Variants in NOP53 observed in about 807,000 individuals in gnomAD.
The protein encoded by NOP53 is ribosome biogenesis protein NOP53.
A neutral mutation model predicts 61.0 loss-of-function variants in NOP53; 40 were observed. That is an observed-to-expected ratio of 0.66 (90% CI 0.51 to 0.85). NOP53 has a LOEUF of 0.85. Among genes scored for constraint, NOP53 ranks in the 40% least tolerant of loss-of-function variants. NOP53 has a pLI of 0.00. For synonymous variants in NOP53, 308 were observed against 289.5 expected (o/e 1.06, Z -0.65); for missense variants, 689 against 652.9 (o/e 1.06, Z -0.60).
At chr19:47,755,560 G>T (rs933662659) in intron 9 of NOP53, 37 bp downstream of exon 9, 7 of 1,457,470 alleles carry the variant, frequency 4.8e-6, no homozygotes, top group Non-Finnish European at 5.4e-6. Context: ...AGAGGCTGGG[G>T]AGGGGGCCGG....
At chr19:47,751,840 G>A (rs1287447946) in intron 5 of NOP53, among the ~76,000 whole-genome samples, 3 of 152,184 alleles carry the variant, frequency 2.0e-5, no homozygotes, top group African/African-American at 4.8e-5. Context: ...GGTGGCTCAC[G>A]CCTGTAATCC....
In NOP53 at chr19:47,754,264, A is replaced by T. The variant is rs114709423; in HGVS notation, c.766-263A>T. ...TGCACTCCAGTCTGGGCAACAAGAC[A>T]GAAACTCTATCTCAAAAAAAAAATG... On this transcript the variant is annotated intron_variant, in intron 6 of 12. Transcript: ENST00000246802. This position sits in a 1 kb window ranked among gnomAD's most constrained non-coding sequence, Gnocchi z 4.2. 8.8e-3 allele frequency: 4,092 copies of T among 464,052 alleles called. 135 individuals are homozygous for T. Among genetic ancestry groups the T allele is most frequent in the African/African-American group, 0.073 (3,723 of 50,938 alleles). The allele number at this position is 464,052 out of a possible 1,614,324, so 28.7% of individuals were successfully genotyped here. A position where few individuals can be genotyped will look rare whatever the true frequency, so the allele number is the denominator to read the frequency against.
chr19:47,750,762 C>A, intron 3 of NOP53, 146 bp from the exon 4 acceptor site: 1 of 695,068 alleles, frequency 1.4e-6, no homozygotes. Flanking sequence ...GAGAGGAGTT[C>A]TCTGAAGAGG....
intron 2 of NOP53, among the ~76,000 whole-genome samples, chr19:47,748,665 G>T (rs557726977): frequency 6.6e-6 from 1 of 152,212 alleles, no homozygotes; most frequent in Non-Finnish European, 1.5e-5. Context: ...AGGCCGAGGT[G>T]GGGCGGATCA....
chr19:47,757,005 G>C lies in NOP53; in HGVS notation c.1437G>C (p.Ter479TyrextTer?), dbSNP rs1180406309. The C allele has an allele frequency of 6.2e-7, 1 of 1,614,144 alleles. No individual in the cohort carries two copies. Among genetic ancestry groups the C allele is most frequent in the East Asian group, 2.2e-5 (1 of 44,878 alleles). ...EKRAFREIQL[*>Y] ...TCCTTTCCTCTGTCCCCAGGTTGTA[G>C]CTGCCATCAGATGCCGGAGACTCGC... is the stretch of plus-strand genomic sequence containing the variant. The change falls in exon 13 of 13, where the codon TAG (stop) becomes TAC (tyrosine). Residue 479 changes from the stop codon to tyrosine (Y), a stop_lost. Transcript: ENST00000246802.
intron 12 of NOP53, 65 bp from the exon 13 acceptor site, chr19:47,756,934 G>A (rs907743343): frequency 4.2e-5 from 68 of 1,604,210 alleles, no homozygotes; most frequent in Admixed American, 1.3e-4. Context: ...GGCAGGGGGT[G>A]TCAGGTCGGC....
intron 2 of NOP53, among the ~76,000 whole-genome samples, chr19:47,749,967 G>A (rs1414783214): frequency 1.3e-5 from 2 of 152,136 alleles, no homozygotes; most frequent in Non-Finnish European, 2.9e-5. Flanking sequence ...CCTCCTGCTG[G>A]CCCAGCACTT....
intron 1 of NOP53, 104 bp from the exon 2 acceptor site, chr19:47,746,863 G>C (rs939203962): frequency 3.3e-6 from 3 of 896,956 alleles, no homozygotes; most frequent in African/African-American, 1.7e-5. Context: ...GGAAGAGTCC[G>C]GTGGCGGGAC....
At chr19:47,756,165 C>G (rs1287622264) in intron 10 of NOP53, 3 of 510,532 alleles carry the variant, frequency 5.9e-6, no homozygotes, top group Non-Finnish European at 1.1e-5. Context: ...CTGAGGAAGC[C>G]CAGCTCCTCT....
At chr19:47,752,446 G>A (rs1206534611) in intron 5 of NOP53, 66 bp from the exon 6 acceptor site, 5 of 984,734 alleles carry the variant, frequency 5.1e-6, no homozygotes, top group Non-Finnish European at 8.0e-6. Flanking sequence ...CTGCCCCATG[G>A]CTGTGTCCTG....
At chr19:47,751,222 G>T in intron 4 of NOP53, 115 bp downstream of exon 4, 1 of 1,008,184 alleles carries the variant, frequency 9.9e-7, no homozygotes. Flanking sequence ...GGGTGCTTTG[G>T]TGACCTCCCA....
At position 47,745,583 on chromosome 19, in the gene NOP53, T is replaced by C. The variant is rs1365403226; in HGVS notation, c.24T>C (p.Val8=). Residue 8 remains valine (V), a synonymous_variant, in exon 1 of 13, where the codon GTT becomes GTC. Coordinates refer to ENST00000246802, the MANE Select transcript of NOP53 (RefSeq NM_015710.5). MAAGGSG[V]GGKRSSKSDA... ...AGATGGCGGCAGGAGGCAGTGGCGT[T>C]GGTGGGAAGCGCAGCTCGAAAAGCG... 1.2e-6 allele frequency: 2 copies of C among 1,613,904 alleles called. No individual in the cohort carries two copies. Among genetic ancestry groups the C allele is most frequent in the South Asian group, 1.1e-5 (1 of 91,076 alleles).
In NOP53 at chr19:47,755,420, G is replaced by A. The variant is rs1967180530; in HGVS notation, c.1126G>A (p.Ala376Thr). 6.5e-7 allele frequency: 1 copy of A among 1,532,014 alleles called. No individual in the cohort carries two copies. Among genetic ancestry groups the A allele is most frequent in the African/African-American group, 1.4e-5 (1 of 70,898 alleles). 94.9% of individuals were successfully genotyped at this position (1,532,014 alleles called of 1,614,324 possible). Residue 376 changes from alanine to threonine, a missense_variant, in exon 9 of 13, where the codon GCC becomes ACC. Physicochemically the swap from Ala to Thr is moderately conservative, Grantham distance 58 (BLOSUM62 0). Transcript: ENST00000246802. ...GCTGTTCCGGCTGCGCGGGATCAAGGCCCAGGTGGCCCTGAGGCTGGCGGA... is the reference window on the plus strand; with the variant it reads ...GCTGTTCCGGCTGCGCGGGATCAAGACCCAGGTGGCCCTGAGGCTGGCGGA... ...QELFRLRGIKAQVALRLAELA... is the reference protein window; with the variant it reads ...QELFRLRGIKTQVALRLAELA...
Position 47,755,349 on chromosome 19 carries a change from G to A in NOP53, c.1055G>A (p.Arg352Gln), listed in dbSNP as rs1251691044. The change falls in exon 9 of 13, where the codon CGG (arginine) becomes CAG (glutamine). Residue 352 changes from arginine (R) to glutamine (Q), a missense_variant and splice_region_variant. Physicochemically the swap from Arg to Gln is conservative, Grantham distance 43. Coordinates refer to ENST00000246802, the MANE Select transcript of NOP53 (RefSeq NM_015710.5). ...CCTGACCCTCCCCCGTCTCCACAGC[G>A]GGTACAGCAGGCCGCGTTGCGGGCC... ...RRREKAVHRL[R>Q]VQQAALRAAR... The A allele has an allele frequency of 1.1e-5, 16 of 1,506,844 alleles. No homozygotes were observed. The highest frequency in any genetic ancestry group is 2.6e-5 in the East Asian group (1 of 37,956). The allele number at this position is 1,506,844 out of a possible 1,614,324, so 93.3% of individuals were successfully genotyped here. A position where few individuals can be genotyped will look rare whatever the true frequency, so the allele number is the denominator to read the frequency against.
chr19:47,751,184 G>GC, intron 4 of NOP53, 77 bp downstream of exon 4: 1 of 1,314,206 alleles, frequency 7.6e-7, no homozygotes, highest in Non-Finnish European at 1.1e-6. Flanking sequence ...CACTGCACGA[G>GC]AGTACAGTGT....
At chr19:47,749,475 C>T (rs200419165) in intron 2 of NOP53, among the ~76,000 whole-genome samples, 2 of 152,120 alleles carry the variant, frequency 1.3e-5, no homozygotes, top group Admixed American at 6.6e-5. Flanking sequence ...GTATCCACAT[C>T]CTCATTTTGG....
chr19:47,746,160 A>G (rs915370154), intron 1 of NOP53: 2 of 183,258 alleles, frequency 1.1e-5, no homozygotes, highest in Admixed American at 5.5e-5. Context: ...GTATATATAT[A>G]TGTGTATATG....
rs1250736001 is a variant in NOP53 at position 47,755,481 on chromosome 19, G to A, written c.1187G>A (p.Arg396Gln). Residue 396 changes from arginine (R) to glutamine (Q), a missense_variant, in exon 9 of 13, where the codon CGG becomes CAG. Arg to Gln is a conservative substitution (Grantham distance 43). Coordinates refer to ENST00000246802, the MANE Select transcript of NOP53 (RefSeq NM_015710.5). ...CGGCAGAGGCGGCGGCAGGCGCGGC[G>A]GGAGGCTGAGGCTGACAAGCCCCGA... Reference protein sequence around the residue: ...ARRQRRRQARREAEADKPRRL... With the variant: ...ARRQRRRQARQEAEADKPRRL... 20 of 1,483,892 alleles carry A rather than the reference G, an allele frequency of 1.3e-5. No individual in the cohort carries two copies. Among genetic ancestry groups the A allele is most frequent in the Middle Eastern group, 2.4e-4 (1 of 4,142 alleles). 91.9% of individuals were successfully genotyped at this position (1,483,892 alleles called of 1,614,324 possible). A position where few individuals can be genotyped will look rare whatever the true frequency, so the allele number is the denominator to read the frequency against.
At chr19:47,748,408 A>G (rs1235136271) in intron 2 of NOP53, among the ~76,000 whole-genome samples, 1 of 152,092 alleles carries the variant, frequency 6.6e-6, no homozygotes, top group Non-Finnish European at 1.5e-5. Context: ...ACAAACTAAG[A>G]ACAGATGATC....
Sources: allele counts gnomAD v4.1 joint callset (sites outside exome capture counted in the v4.1 genomes callset), GRCh38; gene constraint gnomAD v4.1.1; non-coding constraint Gnocchi (gnomAD v3.1); transcripts MANE v1.5; gene names NCBI Gene and HGNC (gene_info 2026-07-23, HGNC 2026-07-21).